ABCG8: variants seen among roughly 807,000 people sequenced by gnomAD.
ABCG8 encodes ATP-binding cassette sub-family G member 8.
ABCG8 carries 81 observed loss-of-function variants against 71.3 expected under a neutral mutation model. The observed-to-expected ratio is 1.14, with a 90% CI of 0.95 to 1.37. ABCG8 has a LOEUF of 1.37. Among genes scored for constraint, ABCG8 ranks in the 40% most tolerant of loss-of-function variants. The pLI is 0.00. For synonymous variants in ABCG8, 451 were observed against 354.7 expected, an observed-to-expected ratio of 1.27 and a Z score of -3.05; for missense variants, 1,119 against 866.2, an observed-to-expected ratio of 1.29 and a Z score of -3.66.
chr2:43,839,003 G>C lies in ABCG8; in HGVS notation c.-51G>C. 6.5e-7 allele frequency: 1 copy of C among 1,533,668 alleles called. No homozygotes were observed. The highest frequency in any genetic ancestry group is 1.2e-5 in the South Asian group (1 of 83,446). On this transcript the variant is annotated 5_prime_UTR_variant, in exon 1 of 13. Coordinates refer to ENST00000272286, the MANE Select transcript of ABCG8 (RefSeq NM_022437.3). ...GTGAAGACACTGGCCCTGGCAGGCA[G>C]CAGCTGGGTCTAAGAGAGCTGCAGC...
chr2:43,855,776 C>G (rs895948003), intron 6 of ABCG8, among the ~76,000 whole-genome samples: 4 of 151,750 alleles, frequency 2.6e-5, no homozygotes, highest in African/African-American at 9.7e-5. Flanking sequence ...AATTCTCACT[C>G]TCAGGATAGA....
At chr2:43,865,154 A>G (rs992021897) in intron 6 of ABCG8, among the ~76,000 whole-genome samples, 3 of 151,162 alleles carry the variant, frequency 2.0e-5, no homozygotes, top group African/African-American at 7.3e-5. Flanking sequence ...AACTCTCACT[A>G]TCTGTCTATG....
intron 1 of ABCG8, among the ~76,000 whole-genome samples, chr2:43,842,668 C>G (rs1052179767): frequency 6.6e-6 from 1 of 152,090 alleles, no homozygotes; most frequent in Non-Finnish European, 1.5e-5. Flanking sequence ...CACCAATTAC[C>G]AAAAGCTTTG....
At chr2:43,873,685 T>C (rs1395821124) in intron 8 of ABCG8, 102 bp from the exon 9 acceptor site, 1 of 1,206,512 alleles carries the variant, frequency 8.3e-7, no homozygotes, top group African/African-American at 1.5e-5. Context: ...CATCCCCATT[T>C]TGCATAGGAG....
chr2:43,851,442 G>A (rs993521429), intron 3 of ABCG8, 142 bp from the exon 4 acceptor site: 12 of 924,532 alleles, frequency 1.3e-5, no homozygotes, highest in South Asian at 1.0e-4. Flanking sequence ...TAGGTCCAGG[G>A]ACTATGCCAC....
Position 43,871,966 on chromosome 2 carries a change from C to G in ABCG8, c.965-10C>G, listed in dbSNP as rs768240854. The G allele has an allele frequency of 3.1e-6, 5 of 1,614,038 alleles. No homozygotes were observed. In the Admixed American group the frequency reaches 8.3e-5, roughly 27 times the overall value. ...CAGGCCACCTGTGACTCCACATCCC[C>G]TGCTTGCAGTGGACCTGACCAGCAT... On this transcript the variant is annotated splice_polypyrimidine_tract_variant and intron_variant, in intron 6 of 12. Coordinates refer to ENST00000272286, the MANE Select transcript of ABCG8 (RefSeq NM_022437.3).
At chr2:43,867,297 GTAAC>G (rs1669563532) in intron 6 of ABCG8, among the ~76,000 whole-genome samples, 1 of 151,700 alleles carries the variant, frequency 6.6e-6, no homozygotes, top group South Asian at 2.1e-4. Flanking sequence ...GTATGCATAT[GTAAC>G]TAACCTGCAC....
chr2:43,869,086 T>C (rs1321442604), intron 6 of ABCG8, among the ~76,000 whole-genome samples: 1 of 141,444 alleles, frequency 7.1e-6, no homozygotes, highest in African/African-American at 2.7e-5. Context: ...GAATTCTCAT[T>C]CTCTGGATTG....
rs776775584 is a variant in ABCG8 at position 43,852,599 on chromosome 2, G to T, written c.695G>T (p.Gly232Val). 1.5e-4 allele frequency: 239 copies of T among 1,614,016 alleles called. No individual in the cohort carries two copies. The highest frequency in any genetic ancestry group is 1.9e-4 in the Non-Finnish European group (229 of 1,180,026). ...CCAGGCTCCTCTCTGTGTTGGAAAGGAATCCTTATTCTCGACGAACCCACC... is the reference window on the plus strand; with the variant it reads ...CCAGGCTCCTCTCTGTGTTGGAAAGTAATCCTTATTCTCGACGAACCCACC... ...SIGVQLLWNP[G>V]ILILDEPTSG... The change falls in exon 6 of 13, where the codon GGA becomes GTA. Residue 232 changes from glycine to valine, a missense_variant and splice_region_variant. Coordinates refer to ENST00000272286, the MANE Select transcript of ABCG8 (RefSeq NM_022437.3).
At chr2:43,867,945 A>G (rs1398286355) in intron 6 of ABCG8, among the ~76,000 whole-genome samples, 1 of 151,958 alleles carries the variant, frequency 6.6e-6, no homozygotes, top group African/African-American at 2.4e-5. Context: ...CCGTTTGGAT[A>G]GAATTCTCAC....
At chr2:43,871,891 G>A (rs1669787445) in intron 6 of ABCG8, 85 bp from the exon 7 acceptor site, 6 of 1,581,356 alleles carry the variant, frequency 3.8e-6, no homozygotes, top group Non-Finnish European at 4.3e-6. Context: ...GATCAGCATT[G>A]TGAGCTGGGC....
Position 43,875,854 on chromosome 2 carries a change from C to T in ABCG8, c.1756+441C>T, listed in dbSNP as rs546554292. 1.3e-4 allele frequency among the ~76,000 whole-genome samples: 20 copies of T among 152,192 alleles called. No individual in the cohort carries two copies. The South Asian group carries it at 4.2e-3, about 32-fold the overall frequency. On this transcript the variant is annotated intron_variant, in intron 11 of 12. Transcript: ENST00000272286. Reference sequence around the variant, plus strand: ...CTTTCCAAGGTGCAAACCCATGCCCCCCTTTGTTCAAATCTTCCCAGGGTT... The same window carrying T: ...CTTTCCAAGGTGCAAACCCATGCCCTCCTTTGTTCAAATCTTCCCAGGGTT...
intron 3 of ABCG8, chr2:43,846,830 T>C: frequency 5.3e-6 from 1 of 187,458 alleles, no homozygotes; most frequent in Non-Finnish European, 1.1e-5. Flanking sequence ...AAATTTAAAA[T>C]GAGAGAATGT....
In ABCG8 at chr2:43,875,382, C is replaced by T. The variant is rs1299537887; in HGVS notation, c.1725C>T (p.Gly575=). The T allele has an allele frequency of 1.2e-6, 2 of 1,614,132 alleles. No homozygotes were observed. The highest frequency in any genetic ancestry group is 3.3e-5 in the Admixed American group (2 of 60,036). ...ALYNSFYLAG[G]FMINLSSLWT... Reference sequence around the variant, plus strand: ...ACAACTCCTTCTACCTCGCCGGGGGCTTCATGATAAACTTGAGCAGCCTGT... The same window carrying T: ...ACAACTCCTTCTACCTCGCCGGGGGTTTCATGATAAACTTGAGCAGCCTGT... Residue 575 remains glycine (G), a synonymous_variant, in exon 11 of 13, where the codon GGC becomes GGT. Coordinates refer to ENST00000272286, the MANE Select transcript of ABCG8 (RefSeq NM_022437.3).
intron 2 of ABCG8, among the ~76,000 whole-genome samples, chr2:43,844,946 C>T (rs1236756468): frequency 6.6e-6 from 1 of 151,950 alleles, no homozygotes; most frequent in Admixed American, 6.6e-5. Context: ...ACAGTGTTTC[C>T]ATATACCCAT....
intron 3 of ABCG8, among the ~76,000 whole-genome samples, chr2:43,850,909 CAAAAAAAA>C (rs1164206598): frequency 3.5e-5 from 2 of 57,522 alleles, no homozygotes; most frequent in African/African-American, 1.3e-4. Context: ...GACTCTGTCT[CAAAAAAAA>C]AAAAAAAAAG....
At position 43,838,998 on chromosome 2, in the gene ABCG8, A is replaced by G. The variant is rs1668456395; in HGVS notation, c.-56A>G. On this transcript the variant is annotated 5_prime_UTR_variant, in exon 1 of 13. Transcript: ENST00000272286. The surrounding 1 kb of genome is among the most constrained non-coding windows in gnomAD (Gnocchi z 4.2). ...ACAGAGTGAAGACACTGGCCCTGGC[A>G]GGCAGCAGCTGGGTCTAAGAGAGCT... 6.6e-7 allele frequency: 1 copy of G among 1,517,344 alleles called. No homozygotes were observed. The highest frequency in any genetic ancestry group is 2.0e-5 in the Admixed American group (1 of 50,944). 94.0% of individuals were successfully genotyped at this position (1,517,344 alleles called of 1,614,324 possible). A position where few individuals can be genotyped will look rare whatever the true frequency, so the allele number is the denominator to read the frequency against.
Position 43,870,632 on chromosome 2 carries a change from T to A in ABCG8, c.965-1344T>A, listed in dbSNP as rs189263603. Among the ~76,000 whole-genome samples, 4 of 152,188 alleles carry A rather than the reference T, an allele frequency of 2.6e-5. No individual in the cohort carries two copies. The East Asian group carries it at 7.8e-4, about 30-fold the overall frequency. ...CACTCTCTGGATAGAACTCTCACTA[T>A]CTGTGTGGATAGAATTCTCACCATC... is the stretch of plus-strand genomic sequence containing the variant. On this transcript the variant is annotated intron_variant, in intron 6 of 12. Transcript: ENST00000272286.
rs1232951681 is a variant in ABCG8 at position 43,872,081 on chromosome 2, A to C, written c.1070A>C (p.Asp357Ala). Residue 357 changes from aspartate to alanine, a missense_variant, in exon 7 of 13, where the codon GAT becomes GCT. By Grantham distance (126) the Asp-to-Ala change is moderately radical (BLOSUM62 -2). Transcript: ENST00000272286. ...ALFLEKVRDL[D>A]DFLWKAETKD... is the part of the protein sequence containing the mutation. ...TTTCTAGAAAAAGTGCGTGACTTAG[A>C]TGACTTTCTATGGAAAGCAGAGACG... is the stretch of plus-strand genomic sequence containing the variant. 6.2e-7 allele frequency: 1 copy of C among 1,614,004 alleles called. No individual in the cohort carries two copies. The highest frequency in any genetic ancestry group is 2.2e-5 in the East Asian group (1 of 44,894).
Sources: allele counts gnomAD v4.1 joint callset (sites outside exome capture counted in the v4.1 genomes callset), GRCh38; gene constraint gnomAD v4.1.1; non-coding constraint Gnocchi (gnomAD v3.1); transcripts MANE v1.5; gene names NCBI Gene and HGNC (gene_info 2026-07-23, HGNC 2026-07-21).